OR56A3: variants seen among roughly 807,000 people sequenced by gnomAD.
OR56A3 encodes olfactory receptor 56A3.
Under a neutral mutation model 17.5 loss-of-function variants are expected in OR56A3, and 23 were observed. The observed-to-expected ratio is 1.32, with a 90% CI of 0.95 to 1.87. The LOEUF (loss-of-function observed/expected upper bound fraction) is 1.87, where lower values mean the gene tolerates loss of function less well. Ranked by LOEUF, OR56A3 falls within the 40% of genes most tolerant of loss-of-function variation. OR56A3 has a pLI of 0.00. For missense variants in OR56A3, 366 were observed against 380.1 expected, an observed-to-expected ratio of 0.96 and a Z score of 0.31; for synonymous variants, 175 against 150.6, an observed-to-expected ratio of 1.16 and a Z score of -1.19.
chr11:5,955,151 T>C (rs1022651417), downstream of OR56A3, among the ~76,000 whole-genome samples: 3 of 152,198 alleles, frequency 2.0e-5, no homozygotes, highest in Non-Finnish European at 4.4e-5. Flanking sequence ...ACTGAATACC[T>C]GGGGCATTCA....
At chr11:6,004,966 T>C in the OR56A3 span, among the ~76,000 whole-genome samples, 1 of 152,186 alleles carries the variant, frequency 6.6e-6, no homozygotes, top group African/African-American at 2.4e-5. Flanking sequence ...TATAGTGCAA[T>C]ACAGTTGTGG....
chr11:5,953,468 C>T (rs1375820545), downstream of OR56A3, among the ~76,000 whole-genome samples: 1 of 152,138 alleles, frequency 6.6e-6, no homozygotes, highest in Non-Finnish European at 1.5e-5. Context: ...AGTGTCTGCT[C>T]ATGTCTTTTG....
rs2134364545 is a variant in OR56A3 at position 5,949,175 on chromosome 11, C to CA, written c.*882dup. 1 of 152,312 alleles carries CA rather than the reference C, an allele frequency of 6.6e-6. No homozygotes were observed. The highest frequency in any genetic ancestry group is 6.5e-5 in the Admixed American group (1 of 15,296). 9.4% of individuals were successfully genotyped at this position (152,312 alleles called of 1,614,324 possible). A position where few individuals can be genotyped will look rare whatever the true frequency, so the allele number is the denominator to read the frequency against. ...ATTAATTGGACAGCTTCTAAGCACA[C>CA]ATGGTGTCCTGTGAATTATGTTAGC... On this transcript the variant is annotated 3_prime_UTR_variant, in exon 3 of 3. Coordinates refer to ENST00000641160, the MANE Select transcript of OR56A3 (RefSeq NM_001003443.3).
At chr11:5,969,282 C>T in the OR56A3 span, among the ~76,000 whole-genome samples, 2 of 152,226 alleles carry the variant, frequency 1.3e-5, no homozygotes, top group Non-Finnish European at 2.9e-5. Context: ...ATAACCTTCT[C>T]TGGTTAATTC....
chr11:5,948,071 T>TA lies in OR56A3; in HGVS notation c.727dup (p.Ser243LysfsTer27), dbSNP rs1222822321. On this transcript the variant is annotated frameshift_variant, in exon 3 of 3. Transcript: ENST00000641160. LOFTEE classifies it high-confidence loss of function. ...GCAGAGGGTGCCGTGGCAAAGGCCC[T>TA]AAGCACATGTGGCTCCCACTTCATG... is the stretch of plus-strand genomic sequence containing the variant. 1 of 1,614,240 alleles carries TA rather than the reference T, an allele frequency of 6.2e-7. No homozygotes were observed. Among genetic ancestry groups the TA allele is most frequent in the Admixed American group, 1.7e-5 (1 of 60,034 alleles).
the OR56A3 span, among the ~76,000 whole-genome samples, chr11:5,989,718 C>G: frequency 9.2e-5 from 14 of 152,320 alleles, 1 homozygote; most frequent in South Asian, 8.3e-4. Context: ...AAAGCCCAGA[C>G]TTCATCACTA....
At chr11:5,987,081 G>GGATGTCTCACTTGT in the OR56A3 span, 1 of 688,366 alleles carries the variant, frequency 1.5e-6, no homozygotes, top group Non-Finnish European at 2.4e-6. Context: ...TTTTACAAGT[G>GGATGTCTCACTTGT]AGACATCCAC....
Position 5,949,950 on chromosome 11 carries a change from T to C in OR56A3, c.*1656T>C, listed in dbSNP as rs564015217. On this transcript the variant is annotated 3_prime_UTR_variant, in exon 3 of 3. Transcript: ENST00000641160. ...TTAAGATCCGAGTAGATACACCTTT[T>C]TCTTTATTACTCAAAGAAGAAGGAC... is the stretch of plus-strand genomic sequence containing the variant. 3 of 152,314 alleles carry C rather than the reference T, an allele frequency of 2.0e-5. No homozygotes were observed. In the South Asian group the frequency reaches 6.2e-4, roughly 32 times the overall value. 9.4% of individuals were successfully genotyped at this position (152,314 alleles called of 1,614,324 possible).
At chr11:5,991,477 A>G in the OR56A3 span, among the ~76,000 whole-genome samples, 3 of 152,212 alleles carry the variant, frequency 2.0e-5, no homozygotes, top group African/African-American at 7.2e-5. Flanking sequence ...GTCCACTAGC[A>G]TCTAAATGGT....
the OR56A3 span, among the ~76,000 whole-genome samples, chr11:6,008,840 G>T: frequency 2.6e-5 from 4 of 151,862 alleles, no homozygotes. Flanking sequence ...GTATTATCCT[G>T]TATTTATATC....
At chr11:5,994,456 T>C in the OR56A3 span, 2 of 741,616 alleles carry the variant, frequency 2.7e-6, no homozygotes, top group Non-Finnish European at 4.9e-6. Flanking sequence ...TGGGGGCATC[T>C]GTCTCCATGG....
At chr11:5,958,884 T>G in the OR56A3 span, among the ~76,000 whole-genome samples, 2 of 152,242 alleles carry the variant, frequency 1.3e-5, no homozygotes, top group Non-Finnish European at 2.9e-5. Context: ...ATGTAATGTT[T>G]GTCTTCCTGT....
intron 2 of OR56A3, among the ~76,000 whole-genome samples, chr11:5,945,962 G>C (rs545275136): frequency 8.5e-4 from 130 of 152,304 alleles, no homozygotes; most frequent in Non-Finnish European, 1.4e-3. Flanking sequence ...CGATAGAAAG[G>C]AATTTTTAAA....
At chr11:5,980,851 G>T in the OR56A3 span, among the ~76,000 whole-genome samples, 11 of 152,102 alleles carry the variant, frequency 7.2e-5, no homozygotes, top group African/African-American at 2.7e-4. Context: ...TCTAAGGCAG[G>T]TCTACTGGTA....
At chr11:6,002,799 A>G in the OR56A3 span, 7 of 1,613,634 alleles carry the variant, frequency 4.3e-6, no homozygotes, top group Non-Finnish European at 5.9e-6. Context: ...GAGGCTGAGC[A>G]GGTAGTACAG....
the OR56A3 span, among the ~76,000 whole-genome samples, chr11:5,975,748 G>A: frequency 2.6e-5 from 4 of 151,928 alleles, no homozygotes; most frequent in African/African-American, 9.7e-5. Flanking sequence ...GGGTCAAATG[G>A]TATTTCTAGT....
At chr11:6,006,744 C>A in the OR56A3 span, among the ~76,000 whole-genome samples, 2 of 152,182 alleles carry the variant, frequency 1.3e-5, no homozygotes, top group African/African-American at 2.4e-5. Flanking sequence ...AAATCACAGC[C>A]ATAGGTCAGT....
chr11:5,944,381 C>T (rs11039787), intron 1 of OR56A3, among the ~76,000 whole-genome samples: 38,766 of 152,006 alleles, frequency 0.26, 4,985 homozygotes, highest in East Asian at 0.27. Flanking sequence ...AAGCAGGAGT[C>T]GGAGTTGCAA....
the OR56A3 span, among the ~76,000 whole-genome samples, chr11:6,005,949 G>A: frequency 9.2e-5 from 14 of 152,176 alleles, no homozygotes; most frequent in East Asian, 1.9e-4. Flanking sequence ...GGTCAAAGGC[G>A]AATCGTGGAA....
Sources: gnomAD v4.1 joint callset for allele counts (sites outside exome capture counted in the v4.1 genomes callset) on GRCh38, gnomAD v4.1.1 for gene constraint, MANE v1.5 for transcripts, NCBI Gene and HGNC (gene_info 2026-07-23, HGNC 2026-07-21) for gene names.